KCND2: variants seen among roughly 807,000 people sequenced by gnomAD.
KCND2 encodes the protein potassium voltage-gated channel subfamily D member 2.
A neutral mutation model predicts 54.4 loss-of-function variants in KCND2; 16 were observed. The ratio of observed to expected loss-of-function variants is 0.29; its 90% CI spans 0.20 to 0.45. The LOEUF is 0.45. KCND2 is among the 20% of genes least tolerant of loss of function. KCND2 has a pLI of 1.00. For missense variants in KCND2, 486 were observed against 824.2 expected (o/e 0.59, Z 5.02); for synonymous variants, 317 against 310.7 (o/e 1.02, Z -0.21).
At chr7:120,284,041 A>G (rs1290135220) in intron 1 of KCND2, among the ~76,000 whole-genome samples, 4 of 152,168 alleles carry the variant, frequency 2.6e-5, no homozygotes, top group Non-Finnish European at 4.4e-5. Context: ...TTGGAAATAC[A>G]TGGGTTTGGA....
chr7:120,367,570 A>T (rs891483732), intron 1 of KCND2, among the ~76,000 whole-genome samples: 16 of 151,960 alleles, frequency 1.1e-4, no homozygotes, highest in Admixed American at 2.6e-4. Context: ...TAGTTAAAAA[A>T]AAAAAAGAAA....
intron 1 of KCND2, among the ~76,000 whole-genome samples, chr7:120,347,233 A>G (rs1317196500): frequency 3.3e-5 from 5 of 152,170 alleles, no homozygotes; most frequent in Non-Finnish European, 7.4e-5. Context: ...GTCTTCCAGT[A>G]AATAGTTGTC....
At chr7:120,490,814 A>G (rs777903575) in intron 1 of KCND2, among the ~76,000 whole-genome samples, 1 of 152,148 alleles carries the variant, frequency 6.6e-6, no homozygotes, top group Non-Finnish European at 1.5e-5. Context: ...AAGAAATAAT[A>G]TTTCTCTCCT....
chr7:120,679,294 A>G (rs998366000), intron 1 of KCND2, among the ~76,000 whole-genome samples: 6 of 151,710 alleles, frequency 4.0e-5, no homozygotes, highest in African/African-American at 1.2e-4. Context: ...TGTTGCCCCA[A>G]AGCTATCATT....
chr7:120,441,082 T>A (rs2116193539), intron 1 of KCND2, among the ~76,000 whole-genome samples: 1 of 151,438 alleles, frequency 6.6e-6, no homozygotes, highest in African/African-American at 2.4e-5. Context: ...AAAAAAAAAA[T>A]AAACCATTTC....
chr7:120,393,571 G>A (rs1469542565), intron 1 of KCND2, among the ~76,000 whole-genome samples: 2 of 151,744 alleles, frequency 1.3e-5, no homozygotes, highest in Non-Finnish European at 1.5e-5. Context: ...ATGTATCCTT[G>A]GTAAACTATG....
At chr7:120,436,057 T>G (rs1801861670) in intron 1 of KCND2, among the ~76,000 whole-genome samples, 1 of 152,212 alleles carries the variant, frequency 6.6e-6, no homozygotes, top group Admixed American at 6.5e-5. Context: ...AGAATTATAG[T>G]GTTTGAAACT....
At chr7:120,570,121 T>G (rs938724302) in intron 1 of KCND2, among the ~76,000 whole-genome samples, 1 of 152,194 alleles carries the variant, frequency 6.6e-6, no homozygotes, top group Non-Finnish European at 1.5e-5. Context: ...TTGAACATAA[T>G]TTTGGAATAT....
intron 1 of KCND2, among the ~76,000 whole-genome samples, chr7:120,399,367 CAT>C (rs1486193910): frequency 1.3e-5 from 2 of 150,058 alleles, no homozygotes; most frequent in South Asian, 2.1e-4. Context: ...GAGAAAAAAA[CAT>C]AGAGAAAAAA....
At position 120,741,133 on chromosome 7, in the gene KCND2, C is replaced by T. The variant is rs558596564; in HGVS notation, c.1279-401C>T. Among the ~76,000 whole-genome samples, 28 of 151,154 alleles carry T rather than the reference C, an allele frequency of 1.9e-4. No individual in the cohort carries two copies. In the South Asian group the frequency reaches 2.3e-3, roughly 12 times the overall value. ...ATTTTTTTAAGGACATTAGTTTAAA[C>T]GAAAAGGAGTTGGCAGCTGGTTTCC... On this transcript the variant is annotated intron_variant, in intron 2 of 5. Transcript: ENST00000331113.
At chr7:120,565,682 G>A (rs1792287729) in intron 1 of KCND2, among the ~76,000 whole-genome samples, 2 of 152,124 alleles carry the variant, frequency 1.3e-5, no homozygotes, top group Admixed American at 1.3e-4. Context: ...TATCTATTAA[G>A]TCAGTGAAAA....
At chr7:120,375,299 G>A (rs769247853) in intron 1 of KCND2, among the ~76,000 whole-genome samples, 1 of 151,672 alleles carries the variant, frequency 6.6e-6, no homozygotes, top group Admixed American at 6.6e-5. Context: ...AAAAATATCA[G>A]CGTATTAAAA....
intron 2 of KCND2, among the ~76,000 whole-genome samples, chr7:120,733,553 C>T (rs1300108914): frequency 6.6e-6 from 1 of 152,042 alleles, no homozygotes; most frequent in African/African-American, 2.4e-5. Flanking sequence ...GAAACAGATT[C>T]TTGGCAAATT....
chr7:120,276,123 G>A (rs1333976846), intron 1 of KCND2, among the ~76,000 whole-genome samples: 1 of 151,824 alleles, frequency 6.6e-6, no homozygotes, highest in African/African-American at 2.4e-5. Context: ...TCTATAAAGT[G>A]GTTCAATGCA....
At chr7:120,387,912 A>C (rs1376057412) in intron 1 of KCND2, among the ~76,000 whole-genome samples, 1 of 152,048 alleles carries the variant, frequency 6.6e-6, no homozygotes, top group Non-Finnish European at 1.5e-5. Context: ...AACAAACACA[A>C]ATCAACATAA....
chr7:120,501,820 A>T (rs1584803831), intron 1 of KCND2, among the ~76,000 whole-genome samples: 1 of 152,112 alleles, frequency 6.6e-6, no homozygotes, highest in Admixed American at 6.6e-5. Flanking sequence ...TCAAATTTTT[A>T]AAAATCTTCA....
intron 1 of KCND2, among the ~76,000 whole-genome samples, chr7:120,492,742 A>T (rs916394752): frequency 8.5e-5 from 13 of 152,048 alleles, no homozygotes; most frequent in African/African-American, 3.1e-4. Flanking sequence ...AATACATCTA[A>T]CCTACCCAAC....
At chr7:120,740,798 T>A (rs1478527727) in intron 2 of KCND2, 1 of 454,048 alleles carries the variant, frequency 2.2e-6, no homozygotes, top group Admixed American at 2.4e-5. Flanking sequence ...AGGCTTACTA[T>A]GTTCTTCATT....
At chr7:120,329,433 A>G (rs948142105) in intron 1 of KCND2, among the ~76,000 whole-genome samples, 8 of 152,070 alleles carry the variant, frequency 5.3e-5, no homozygotes, top group African/African-American at 1.9e-4. Flanking sequence ...CTGAATCAGG[A>G]CCTTAATATG....
Sources: allele counts gnomAD v4.1 joint callset (sites outside exome capture counted in the v4.1 genomes callset), GRCh38; gene constraint gnomAD v4.1.1; transcripts MANE v1.5; gene names NCBI Gene and HGNC (gene_info 2026-07-23, HGNC 2026-07-21).